The following LRRC52 variants were observed in gnomAD, a reference collection of about 807,000 sequenced individuals.
LRRC52 encodes the protein leucine-rich repeat-containing protein 52.
In LRRC52, 15 loss-of-function variants were observed where a neutral mutation model predicts 14.7. That is an observed-to-expected ratio of 1.02 (90% CI 0.68 to 1.58). The LOEUF (loss-of-function observed/expected upper bound fraction) is 1.58, where lower values mean the gene tolerates loss of function less well. Among genes scored for constraint, LRRC52 ranks in the 40% most tolerant of loss-of-function variants. The pLI is 0.00. For missense variants in LRRC52, 400 were observed against 387.7 expected, an observed-to-expected ratio of 1.03 and a Z score of -0.27; for synonymous variants, 180 against 163.9, an observed-to-expected ratio of 1.10 and a Z score of -0.75.
chr1:165,552,277 G>C (rs1661147697), intron 1 of LRRC52, among the ~76,000 whole-genome samples: 1 of 152,180 alleles, frequency 6.6e-6, no homozygotes, highest in African/African-American at 2.4e-5. Flanking sequence ...TGGCCCCTCA[G>C]GTCACCCAGC....
At chr1:165,554,427 G>T (rs1467862136) in intron 1 of LRRC52, among the ~76,000 whole-genome samples, 1 of 17,432 alleles carries the variant, frequency 5.7e-5, no homozygotes, top group African/African-American at 6.9e-5. Flanking sequence ...ATGATAGGTG[G>T]TTGTTGTTGT....
chr1:165,553,292 G>C (rs1267393765), intron 1 of LRRC52, among the ~76,000 whole-genome samples: 1 of 152,204 alleles, frequency 6.6e-6, no homozygotes, highest in African/African-American at 2.4e-5. Flanking sequence ...GGAAGCCAAA[G>C]AGTTCCAAAA....
chr1:165,550,018 G>A (rs1322372938), intron 1 of LRRC52, among the ~76,000 whole-genome samples: 1 of 152,178 alleles, frequency 6.6e-6, no homozygotes, highest in African/African-American at 2.4e-5. Context: ...CCTTGCTAGG[G>A]TGCTCTATTG....
intron 1 of LRRC52, among the ~76,000 whole-genome samples, chr1:165,558,676 A>G (rs1381299929): frequency 6.6e-6 from 1 of 152,076 alleles, no homozygotes; most frequent in Non-Finnish European, 1.5e-5. Flanking sequence ...ATTTTTTTAA[A>G]AAAAGGAGGC....
chr1:165,544,054 G>A lies in LRRC52; in HGVS notation c.-243G>A, dbSNP rs1660958347. 1 of 558,166 alleles carries A rather than the reference G, an allele frequency of 1.8e-6. No individual in the cohort carries two copies. The highest frequency in any genetic ancestry group is 2.4e-5 in the South Asian group (1 of 40,870). 34.6% of individuals were successfully genotyped at this position (558,166 alleles called of 1,614,324 possible). ...TGAGACCTTTCAAAGCTGCCAAGTGGGCAAGCTTCCAGCAGCAGTCTGGGA... is the reference window on the plus strand; with the variant it reads ...TGAGACCTTTCAAAGCTGCCAAGTGAGCAAGCTTCCAGCAGCAGTCTGGGA... On this transcript the variant is annotated 5_prime_UTR_variant, in exon 1 of 2. Transcript: ENST00000294818.
chr1:165,563,952 T>C lies in LRRC52; in HGVS notation c.*128T>C, dbSNP rs1035260360. 6.1e-6 allele frequency: 6 copies of C among 990,660 alleles called. No individual in the cohort carries two copies. Among genetic ancestry groups the C allele is most frequent in the East Asian group, 2.5e-5 (1 of 39,556 alleles). The allele number at this position is 990,660 out of a possible 1,614,324, so 61.4% of individuals were successfully genotyped here. A position where few individuals can be genotyped will look rare whatever the true frequency, so the allele number is the denominator to read the frequency against. On this transcript the variant is annotated 3_prime_UTR_variant, in exon 2 of 2. Transcript: ENST00000294818. Reference sequence around the variant, plus strand: ...CTAGTAAAATAAATAAAATCTCTGATGGCCATTTCACAGGTTGGTCCCTTC... The same window carrying C: ...CTAGTAAAATAAATAAAATCTCTGACGGCCATTTCACAGGTTGGTCCCTTC...
At chr1:165,555,346 G>T (rs186288583) in intron 1 of LRRC52, among the ~76,000 whole-genome samples, 1 of 152,164 alleles carries the variant, frequency 6.6e-6, no homozygotes, top group East Asian at 1.9e-4. Context: ...AGGGGAGAAC[G>T]AACACAAAGG....
At chr1:165,561,760 T>G (rs141385265) in intron 1 of LRRC52, among the ~76,000 whole-genome samples, 67 of 152,324 alleles carry the variant, frequency 4.4e-4, no homozygotes, top group African/African-American at 1.6e-3. Context: ...CTAAACAGCA[T>G]TACACACTGC....
chr1:165,544,752 G>A lies in LRRC52; in HGVS notation c.456G>A (p.Leu152=). The change falls in exon 1 of 2, where the codon TTG becomes TTA. Residue 152 remains leucine (L), a synonymous_variant. Transcript: ENST00000294818. The stretch of plus-strand genomic sequence containing the variant: ...TCACCTTTGCCAACACCACCTCTTT[G>A]AGGTACCTGGACCTCAGAAATACCG... ...HKFTFANTTS[L]RYLDLRNTGL... The A allele has an allele frequency of 6.2e-7, 1 of 1,613,914 alleles. No homozygotes were observed. Among genetic ancestry groups the A allele is most frequent in the Non-Finnish European group, 8.5e-7 (1 of 1,179,988 alleles).
At chr1:165,561,669 C>T (rs1571113972) in intron 1 of LRRC52, among the ~76,000 whole-genome samples, 1 of 152,368 alleles carries the variant, frequency 6.6e-6, no homozygotes, top group Admixed American at 6.5e-5. Flanking sequence ...CTTCCTCTCC[C>T]TTCCTCTGTA....
chr1:165,563,263 AACTCCAATGTGCAACAGAT>A (rs1195590516), intron 1 of LRRC52, among the ~76,000 whole-genome samples: 2 of 152,206 alleles, frequency 1.3e-5, no homozygotes, highest in African/African-American at 4.8e-5. Flanking sequence ...GTACTTCTCA[AACTCCAATGTGCAACAGAT>A]ACCCTGAAGG....
rs74120749 is a variant in LRRC52, at chr1:165,549,654, A to G, written c.622+4736A>G. Among the ~76,000 whole-genome samples the G allele has an allele frequency of 4.1e-3, 625 of 152,346 alleles. 2 individuals carry two copies. The highest frequency in any genetic ancestry group is 0.014 in the African/African-American group (574 of 41,584). ...CAGTGGAGAACCTTGAAGGAAACAG[A>G]GGTGCAAGAAGGAAGTGGAGAGGTC... On this transcript the variant is annotated intron_variant, in intron 1 of 1. Coordinates refer to ENST00000294818, the MANE Select transcript of LRRC52 (RefSeq NM_001005214.4).
chr1:165,545,600 A>G (rs971149643), intron 1 of LRRC52, among the ~76,000 whole-genome samples: 1 of 76,198 alleles, frequency 1.3e-5, no homozygotes, highest in African/African-American at 4.7e-5. Flanking sequence ...TCAAGCAGAG[A>G]GATTCTAGTC....
intron 1 of LRRC52, among the ~76,000 whole-genome samples, chr1:165,555,913 T>C (rs1366465018): frequency 1.3e-5 from 2 of 152,216 alleles, no homozygotes; most frequent in African/African-American, 4.8e-5. Context: ...TTAAGCAGGC[T>C]CAGCTCTAGG....
chr1:165,555,059 T>C (rs967495183), intron 1 of LRRC52, among the ~76,000 whole-genome samples: 7 of 152,226 alleles, frequency 4.6e-5, no homozygotes, highest in African/African-American at 1.7e-4. Flanking sequence ...GCACGGGGCA[T>C]ACTGGTGTGA....
rs577203822 is a variant in LRRC52, at chr1:165,563,895, C to T, written c.*71C>T. The T allele has an allele frequency of 2.2e-5, 32 of 1,444,136 alleles. No individual in the cohort carries two copies. Among genetic ancestry groups the T allele is most frequent in the Non-Finnish European group, 2.8e-5 (29 of 1,052,096 alleles). The allele number at this position is 1,444,136 out of a possible 1,614,324, so 89.5% of individuals were successfully genotyped here. ...TTCTCTCTTGCCCTCCCCATCCCAC[C>T]ACCTTGGAGCTGTCATAGAGATTGA... On this transcript the variant is annotated 3_prime_UTR_variant, in exon 2 of 2. Coordinates refer to ENST00000294818, the MANE Select transcript of LRRC52 (RefSeq NM_001005214.4).
At chr1:165,552,960 T>C (rs1413377026) in intron 1 of LRRC52, among the ~76,000 whole-genome samples, 1 of 152,196 alleles carries the variant, frequency 6.6e-6, no homozygotes, top group Non-Finnish European at 1.5e-5. Context: ...GAAGTCAGGC[T>C]AGAAGTCAAG....
intron 1 of LRRC52, among the ~76,000 whole-genome samples, chr1:165,559,097 G>A (rs1661293596): frequency 1.3e-5 from 2 of 152,174 alleles, no homozygotes; most frequent in Non-Finnish European, 2.9e-5. Flanking sequence ...TTTAAAATTT[G>A]TAAAGTGAAG....
chr1:165,557,575 T>A (rs1366063115), intron 1 of LRRC52, among the ~76,000 whole-genome samples: 1 of 152,198 alleles, frequency 6.6e-6, no homozygotes, highest in Non-Finnish European at 1.5e-5. Flanking sequence ...ATCTGTAATC[T>A]AATGAGTGGA....
Sources: allele counts gnomAD v4.1 joint callset (sites outside exome capture counted in the v4.1 genomes callset), GRCh38; gene constraint gnomAD v4.1.1; transcripts MANE v1.5; gene names NCBI Gene and HGNC (gene_info 2026-07-23, HGNC 2026-07-21).